Variants in SUSD4 observed in about 807,000 individuals in gnomAD.
SUSD4 encodes sushi domain-containing protein 4.
In SUSD4, 41 loss-of-function variants were observed where a neutral mutation model predicts 50.5. The observed-to-expected ratio is 0.81, with a 90% CI of 0.63 to 1.05. The LOEUF is 1.05. SUSD4 is among the 50% of genes least tolerant of loss of function. The probability of loss-of-function intolerance (pLI) is 0.00; values close to 1 mark genes in which losing one functional copy is unlikely to be tolerated. For missense variants in SUSD4, 580 were observed against 634.7 expected, an observed-to-expected ratio of 0.91 and a Z score of 0.93; for synonymous variants, 257 against 257.3, an observed-to-expected ratio of 1.00 and a Z score of 0.01.
chr1:223,268,007 C>A (rs1175591951), intron 4 of SUSD4, among the ~76,000 whole-genome samples: 10 of 26,946 alleles, frequency 3.7e-4, no homozygotes, highest in Admixed American at 5.2e-4. Flanking sequence ...GCTCTTCATG[C>A]ATTTTTTATA....
At chr1:223,290,156 G>A (rs910909162) in intron 3 of SUSD4, among the ~76,000 whole-genome samples, 1 of 152,156 alleles carries the variant, frequency 6.6e-6, no homozygotes, top group Non-Finnish European at 1.5e-5. Flanking sequence ...AGAATTACCT[G>A]GCAAGGATAA....
intron 5 of SUSD4, among the ~76,000 whole-genome samples, chr1:223,241,894 A>G (rs1445870416): frequency 1.3e-5 from 2 of 152,168 alleles, no homozygotes; most frequent in African/African-American, 4.8e-5. Flanking sequence ...GGGGAAGACA[A>G]TCCTACCACC....
chr1:223,262,493 C>T (rs1662192621), intron 5 of SUSD4, among the ~76,000 whole-genome samples: 2 of 152,208 alleles, frequency 1.3e-5, no homozygotes, highest in African/African-American at 4.8e-5. Context: ...CAGTGCATAA[C>T]TAAGGCACCA....
At chr1:223,222,782 A>G (rs1659212845) in intron 8 of SUSD4, among the ~76,000 whole-genome samples, 5 of 152,238 alleles carry the variant, frequency 3.3e-5, no homozygotes, top group Admixed American at 3.3e-4. Flanking sequence ...ACTTCTATGT[A>G]CACAGAACTC....
At position 223,268,013 on chromosome 1, in the gene SUSD4, TTATA is replaced by T. The variant is rs59885860; in HGVS notation, c.535+485_535+488del. On this transcript the variant is annotated intron_variant, in intron 4 of 8. Transcript: ENST00000366878. The stretch of plus-strand genomic sequence containing the variant: ...AATTTTTCTGCTCTTCATGCATTTT[TTATA>T]TATATATATATATATATATATATAT... 6.7e-3 allele frequency among the ~76,000 whole-genome samples: 359 copies of T among 53,368 alleles called. 24 individuals are homozygous for T. The East Asian group carries it at 0.12, about 18-fold the overall frequency. 35.0% of individuals were successfully genotyped at this position (53,368 alleles called of 152,430 possible). A position where few individuals can be genotyped will look rare whatever the true frequency, so the allele number is the denominator to read the frequency against.
rs374712669 is a variant in SUSD4 at position 223,229,170 on chromosome 1, C to G, written c.916+27G>C. On this transcript the variant is annotated intron_variant, in intron 6 of 8. Transcript: ENST00000366878. The surrounding 1 kb of genome is among the most constrained non-coding windows in gnomAD (Gnocchi z 4.7). ...AGATGGTCCAAGGAGGGTCCATCTC[C>G]TCCAAGGGTGAGGCCTTCAGTCTTA... The G allele has an allele frequency of 1.3e-5, 21 of 1,581,666 alleles. No individual in the cohort carries two copies. The African/African-American group carries it at 2.6e-4, about 19-fold the overall frequency.
chr1:223,281,359 AAAG>A (rs959645680), intron 3 of SUSD4, among the ~76,000 whole-genome samples: 2 of 152,254 alleles, frequency 1.3e-5, no homozygotes. Flanking sequence ...ATAAAGAAGA[AAAG>A]AGAGAAGAAT....
At chr1:223,274,852 A>C (rs1406979238) in intron 3 of SUSD4, among the ~76,000 whole-genome samples, 1 of 152,180 alleles carries the variant, frequency 6.6e-6, no homozygotes, top group East Asian at 1.9e-4. Flanking sequence ...TCAAAACAAC[A>C]AAATCATAGA....
chr1:223,280,558 G>A (rs1250259038), intron 3 of SUSD4, among the ~76,000 whole-genome samples: 6 of 151,794 alleles, frequency 4.0e-5, no homozygotes, highest in South Asian at 4.2e-4. Context: ...ATACATGCAC[G>A]CAATACAGGA....
intron 5 of SUSD4, among the ~76,000 whole-genome samples, chr1:223,246,800 A>G (rs990374779): frequency 6.6e-6 from 1 of 152,182 alleles, no homozygotes; most frequent in Non-Finnish European, 1.5e-5. Context: ...ACTATGTATC[A>G]CTTATCACAG....
At chr1:223,297,615 G>A (rs2103167613) in intron 2 of SUSD4, among the ~76,000 whole-genome samples, 1 of 152,260 alleles carries the variant, frequency 6.6e-6, no homozygotes, top group Admixed American at 6.5e-5. Flanking sequence ...CTGAAATAGT[G>A]CCTCTTCCAG....
intron 3 of SUSD4, among the ~76,000 whole-genome samples, 160 bp from the exon 4 acceptor site, chr1:223,268,835 G>A (rs1334459701): frequency 1.3e-5 from 2 of 152,186 alleles, no homozygotes; most frequent in African/African-American, 4.8e-5. Context: ...CCAATGACGA[G>A]CAGAAGAGGT....
At chr1:223,359,159 G>A (rs1291548279) in intron 2 of SUSD4, 3 of 470,976 alleles carry the variant, frequency 6.4e-6, no homozygotes, top group Admixed American at 4.7e-5. Context: ...AAGCTCAGAT[G>A]ATATTTTGCT....
At chr1:223,343,412 C>CTT (rs1394540454) in intron 2 of SUSD4, among the ~76,000 whole-genome samples, 1 of 152,190 alleles carries the variant, frequency 6.6e-6, no homozygotes, top group Non-Finnish European at 1.5e-5. Flanking sequence ...ACTGGACAAA[C>CTT]TGCCTCTGTT....
intron 5 of SUSD4, among the ~76,000 whole-genome samples, chr1:223,251,014 C>T (rs1455048020): frequency 2.6e-5 from 4 of 152,302 alleles, no homozygotes; most frequent in Admixed American, 2.0e-4. Context: ...GATTCTTACA[C>T]TGAAATCCTG....
intron 2 of SUSD4, among the ~76,000 whole-genome samples, chr1:223,311,119 C>T (rs1461064801): frequency 6.6e-6 from 1 of 152,162 alleles, no homozygotes; most frequent in Non-Finnish European, 1.5e-5. Context: ...TAGGCAGGTA[C>T]CATGAGACAA....
intron 2 of SUSD4, among the ~76,000 whole-genome samples, chr1:223,354,009 C>T (rs1041208469): frequency 1.3e-5 from 2 of 148,796 alleles, no homozygotes; most frequent in African/African-American, 5.0e-5. Context: ...CCAGCCTGGG[C>T]AACAAGAGTG....
At chr1:223,237,583 A>G (rs545327385) in intron 5 of SUSD4, among the ~76,000 whole-genome samples, 3 of 152,044 alleles carry the variant, frequency 2.0e-5, no homozygotes, top group Non-Finnish European at 4.4e-5. Context: ...GATTTTGTCA[A>G]ATGCCTTTTC....
chr1:223,264,248 T>C lies in SUSD4; in HGVS notation c.724+382A>G, dbSNP rs539842430. 24 of 985,430 alleles carry C rather than the reference T, an allele frequency of 2.4e-5. No individual in the cohort carries two copies. The South Asian group carries it at 7.5e-4, about 31-fold the overall frequency. 61.0% of individuals were successfully genotyped at this position (985,430 alleles called of 1,614,324 possible). ...CTAAGCCATAAAGTGCATGGAAATA[T>C]GGAGGAAACAGCGACACAACAATAA... is the stretch of plus-strand genomic sequence containing the variant. On this transcript the variant is annotated intron_variant, in intron 5 of 8. Transcript: ENST00000366878.
Sources: allele counts gnomAD v4.1 joint callset (sites outside exome capture counted in the v4.1 genomes callset), GRCh38; gene constraint gnomAD v4.1.1; non-coding constraint Gnocchi (gnomAD v3.1); transcripts MANE v1.5; gene names NCBI Gene and HGNC (gene_info 2026-07-23, HGNC 2026-07-21).